Variants in COL18A1 observed in about 807,000 individuals in gnomAD.
COL18A1 encodes the protein collagen alpha-1(XVIII) chain.
Under a neutral mutation model 168.0 loss-of-function variants are expected in COL18A1, and 133 were observed. The ratio of observed to expected loss-of-function variants is 0.79; its 90% confidence interval spans 0.69 to 0.91. The LOEUF is 0.91. Among genes scored for constraint, COL18A1 ranks in the 40% least tolerant of loss-of-function variants. The pLI, the probability that COL18A1 is intolerant of heterozygous loss-of-function variation, is 0.00. For synonymous variants in COL18A1, 949 were observed against 809.0 expected (o/e 1.17, Z -2.94); for missense variants, 2,126 against 1,925.4 (o/e 1.10, Z -1.95).
intron 5 of COL18A1, 116 bp from the exon 6 acceptor site, chr21:45,476,235 A>G (rs1435274511): frequency 6.8e-7 from 1 of 1,478,176 alleles, no homozygotes; most frequent in Non-Finnish European, 9.2e-7. Flanking sequence ...CTCCTGTTTC[A>G]GAGGATTTTT....
At chr21:45,410,021 AC>A (rs1440567608) in intron 2 of COL18A1, 1 of 152,140 alleles carries the variant, frequency 6.6e-6, no homozygotes, top group Admixed American at 6.5e-5. Flanking sequence ...GCTTTTGATC[AC>A]GGATGCGCTG....
chr21:45,498,691 A>G lies in COL18A1; in HGVS notation c.2683+1030A>G, dbSNP rs535884989. The G allele has an allele frequency of 1.4e-4, 92 of 654,878 alleles. 1 individual carries two copies. In the Admixed American group the frequency reaches 2.1e-3, roughly 15 times the overall value. 40.6% of individuals were successfully genotyped at this position (654,878 alleles called of 1,614,324 possible). A position where few individuals can be genotyped will look rare whatever the true frequency, so the allele number is the denominator to read the frequency against. On this transcript the variant is annotated intron_variant, in intron 32 of 41. Coordinates refer to ENST00000651438, the MANE Select transcript of COL18A1 (RefSeq NM_001379500.1). This position sits in a 1 kb window ranked among gnomAD's most constrained non-coding sequence, Gnocchi z 4.5. ...TGCCAGCCTTGGATCTCTCAGCGTC[A>G]CACACGACGCCCAGGAAGGAGTGAA...
At chr21:45,500,515 GGT>G (rs1258098767) in intron 32 of COL18A1, among the ~76,000 whole-genome samples, 16 of 64,668 alleles carry the variant, frequency 2.5e-4, no homozygotes, top group Non-Finnish European at 3.3e-4. Flanking sequence ...GGTGTGGTTT[GGT>G]GTGTGTTGGG....
chr21:45,451,002 G>A (rs1475388443), intron 2 of COL18A1, among the ~76,000 whole-genome samples: 1 of 152,234 alleles, frequency 6.6e-6, no homozygotes, highest in Non-Finnish European at 1.5e-5. Context: ...GGCTGCTCCG[G>A]CGGTGCCATC....
chr21:45,508,241 GTGAGTGGA>G (rs140472708), intron 38 of COL18A1, among the ~76,000 whole-genome samples: 11,309 of 148,898 alleles, frequency 0.076, 611 homozygotes, highest in Middle Eastern at 0.16. Flanking sequence ...GGGTAAGTGG[GTGAGTGGA>G]TGGTGGACAG....
At position 45,443,639 on chromosome 21, in the gene COL18A1, C is replaced by T. The variant is rs2034441093; in HGVS notation, c.107-24603C>T. On this transcript the variant is annotated intron_variant, in intron 2 of 41. Transcript: ENST00000651438. The surrounding 1 kb of genome is among the most constrained non-coding windows in gnomAD (Gnocchi z 5.2). ...CTCCCACGTGGGCGAAAAGTGAAGC[C>T]TCTGGGTGGTCCTGTACCTGTCTGT... is the stretch of plus-strand genomic sequence containing the variant. Among the ~76,000 whole-genome samples the T allele has an allele frequency of 6.6e-6, 1 of 152,164 alleles. No individual in the cohort carries two copies. The highest frequency in any genetic ancestry group is 1.5e-5 in the Non-Finnish European group (1 of 68,014).
At chr21:45,434,311 C>T (rs77583862) in intron 2 of COL18A1, among the ~76,000 whole-genome samples, 2,942 of 152,274 alleles carry the variant, frequency 0.019, 93 homozygotes, top group African/African-American at 0.066. Context: ...ACAGGCGGCC[C>T]GTGCTGGGAC....
At chr21:45,451,077 G>C (rs941956520) in intron 2 of COL18A1, among the ~76,000 whole-genome samples, 1 of 152,238 alleles carries the variant, frequency 6.6e-6, no homozygotes, top group Non-Finnish European at 1.5e-5. Flanking sequence ...TCCTCTGGGG[G>C]GTGTGAGGTT....
chr21:45,460,189 C>T (rs1249628747), intron 2 of COL18A1, among the ~76,000 whole-genome samples: 1 of 152,244 alleles, frequency 6.6e-6, no homozygotes, highest in Non-Finnish European at 1.5e-5. Flanking sequence ...AGATGCAGGA[C>T]AAGCAAGCTC....
rs1273096958 is a variant in COL18A1, at chr21:45,457,570, G to C, written c.107-10672G>C. The stretch of plus-strand genomic sequence containing the variant: ...GTTGGGGGCAGGAAGAGGAGGGAAA[G>C]GGGGACTCTTTAACCTCCTGGGGGC... On this transcript the variant is annotated intron_variant, in intron 2 of 41. Transcript: ENST00000651438. This position sits in a 1 kb window ranked among gnomAD's most constrained non-coding sequence, Gnocchi z 4.6. Among the ~76,000 whole-genome samples, 2 of 152,324 alleles carry C rather than the reference G, an allele frequency of 1.3e-5. No homozygotes were observed. Among genetic ancestry groups the C allele is most frequent in the South Asian group, 2.1e-4 (1 of 4,822 alleles).
At chr21:45,418,749 C>A (rs1002730906) in intron 2 of COL18A1, among the ~76,000 whole-genome samples, 5 of 152,212 alleles carry the variant, frequency 3.3e-5, no homozygotes, top group Non-Finnish European at 7.4e-5. Context: ...GGCAGCGGCA[C>A]CTCCTCAGGG....
intron 17 of COL18A1, 21 bp from the exon 18 acceptor site, chr21:45,488,397 G>GT: frequency 1.2e-6 from 2 of 1,613,736 alleles, no homozygotes; most frequent in Non-Finnish European, 1.7e-6. Context: ...CACTAACACT[G>GT]TGTCTCCTCT....
intron 2 of COL18A1, chr21:45,456,543 C>T: frequency 1.3e-6 from 2 of 1,548,032 alleles, no homozygotes; most frequent in East Asian, 2.4e-5. Context: ...CTGCCCCTGC[C>T]ACCCTCCCTG....
chr21:45,408,868 A>G (rs1245296636), intron 2 of COL18A1, among the ~76,000 whole-genome samples: 3 of 152,204 alleles, frequency 2.0e-5, no homozygotes. Context: ...AGAACCTCAC[A>G]GCTGTGGGGG....
chr21:45,437,667 CAG>C (rs1171946207), intron 2 of COL18A1, among the ~76,000 whole-genome samples: 3 of 53,032 alleles, frequency 5.7e-5, no homozygotes, highest in Non-Finnish European at 3.7e-5. Flanking sequence ...CACACACACT[CAG>C]ACACACAGGC....
chr21:45,466,176 G>T (rs918196038), intron 2 of COL18A1, among the ~76,000 whole-genome samples: 47 of 152,168 alleles, frequency 3.1e-4, no homozygotes, highest in Non-Finnish European at 1.6e-4. Flanking sequence ...TAAGATAAGG[G>T]ACCCAAGGGG....
chr21:45,419,147 G>C (rs1048548558), intron 2 of COL18A1, among the ~76,000 whole-genome samples: 1 of 152,226 alleles, frequency 6.6e-6, no homozygotes, highest in African/African-American at 2.4e-5. Flanking sequence ...ACACGATGCC[G>C]TGTGTAGTGA....
At chr21:45,418,315 C>T (rs1426078555) in intron 2 of COL18A1, among the ~76,000 whole-genome samples, 12 of 152,144 alleles carry the variant, frequency 7.9e-5, no homozygotes, top group African/African-American at 2.4e-4. Flanking sequence ...CACGCCTGCC[C>T]GCCAGCATCG....
intron 2 of COL18A1, chr21:45,455,633 A>C: frequency 3.1e-6 from 5 of 1,613,906 alleles, no homozygotes; most frequent in Non-Finnish European, 4.2e-6. Flanking sequence ...TTGGTTCAAT[A>C]ATGAGGACAC....
Sources: gnomAD v4.1 joint callset for allele counts (sites outside exome capture counted in the v4.1 genomes callset) on GRCh38, gnomAD v4.1.1 for gene constraint, Gnocchi (gnomAD v3.1) non-coding constraint, MANE v1.5 for transcripts, NCBI Gene and HGNC (gene_info 2026-07-23, HGNC 2026-07-21) for gene names.